The following KALRN variants were observed in gnomAD, a reference collection of about 807,000 sequenced individuals.
The protein encoded by KALRN is kalirin RhoGEF kinase.
A neutral mutation model predicts 353.7 loss-of-function variants in KALRN; 70 were observed. That is an observed-to-expected ratio of 0.20 (90% CI 0.16 to 0.24). The LOEUF is 0.24. Among genes scored for constraint, KALRN ranks in the 10% least tolerant of loss-of-function variants. KALRN has a pLI of 1.00. For synonymous variants in KALRN, 1,391 were observed against 1,434.8 expected (o/e 0.97, Z 0.69); for missense variants, 2,791 against 3,756.7 (o/e 0.74, Z 6.72).
At chr3:124,271,520 AT>A (rs1456357379) in intron 5 of KALRN, among the ~76,000 whole-genome samples, 1 of 152,230 alleles carries the variant, frequency 6.6e-6, no homozygotes, top group Non-Finnish European at 1.5e-5. Flanking sequence ...TGTATAGTAC[AT>A]TGATAATTAC....
chr3:124,180,768 C>T (rs1047312568), intron 1 of KALRN, among the ~76,000 whole-genome samples: 2 of 152,144 alleles, frequency 1.3e-5, no homozygotes, highest in African/African-American at 4.8e-5. Flanking sequence ...CCACTTCTCT[C>T]TCTGCTCTCC....
At chr3:124,251,855 A>G (rs530536850) in intron 3 of KALRN, among the ~76,000 whole-genome samples, 237 of 151,798 alleles carry the variant, frequency 1.6e-3, no homozygotes, top group African/African-American at 5.3e-3. Context: ...ACTTTACCAC[A>G]CTCTGCCTGG....
At chr3:124,446,421 G>T in intron 20 of KALRN, 145 bp downstream of exon 20, 1 of 642,982 alleles carries the variant, frequency 1.6e-6, no homozygotes, top group Non-Finnish European at 2.7e-6. Flanking sequence ...GTTGTCACCT[G>T]TCAGCAGTTC....
chr3:124,208,764 A>G (rs1162602729), intron 1 of KALRN, among the ~76,000 whole-genome samples: 3 of 152,094 alleles, frequency 2.0e-5, no homozygotes, highest in African/African-American at 7.2e-5. Context: ...CAGGAATTCA[A>G]AACCAATCTG....
chr3:124,121,059 A>C (rs181780824), intron 1 of KALRN, among the ~76,000 whole-genome samples: 1 of 135,990 alleles, frequency 7.4e-6, no homozygotes, highest in African/African-American at 2.7e-5. Context: ...ATGCCACTGC[A>C]GTCCAGCCTG....
At chr3:124,527,414 C>A (rs1474918667) in intron 33 of KALRN, among the ~76,000 whole-genome samples, 1 of 151,986 alleles carries the variant, frequency 6.6e-6, no homozygotes, top group Non-Finnish European at 1.5e-5. Context: ...TCGAGACCAT[C>A]CTGGCTAACA....
At chr3:124,273,088 C>A (rs566699000) in intron 5 of KALRN, among the ~76,000 whole-genome samples, 2 of 152,202 alleles carry the variant, frequency 1.3e-5, no homozygotes, top group African/African-American at 4.8e-5. Flanking sequence ...CGCCCCTGGC[C>A]TTGCAGGGTG....
At chr3:124,680,524 GACA>G (rs2087670250) in intron 51 of KALRN, among the ~76,000 whole-genome samples, 1 of 152,206 alleles carries the variant, frequency 6.6e-6, no homozygotes, top group African/African-American at 2.4e-5. Flanking sequence ...GTACAAAATA[GACA>G]ACATTAAAAA....
At chr3:124,257,948 G>C (rs1474051697) in intron 3 of KALRN, among the ~76,000 whole-genome samples, 1 of 152,126 alleles carries the variant, frequency 6.6e-6, no homozygotes, top group Non-Finnish European at 1.5e-5. Flanking sequence ...AGTTTGATTT[G>C]GGCTAATAAA....
At chr3:124,347,101 TCTG>T (rs1490086554) in intron 9 of KALRN, 39 bp from the exon 10 acceptor site, 5 of 1,612,806 alleles carry the variant, frequency 3.1e-6, no homozygotes, top group Non-Finnish European at 4.2e-6. Flanking sequence ...TGTCTTTCCT[TCTG>T]CTAGAAAGTC....
intron 33 of KALRN, among the ~76,000 whole-genome samples, chr3:124,499,121 G>A (rs978063484): frequency 1.3e-5 from 2 of 152,114 alleles, no homozygotes; most frequent in East Asian, 3.9e-4. Flanking sequence ...CCAGAGGAAT[G>A]ACAGTAATAG....
chr3:124,482,834 C>T lies in KALRN; in HGVS notation c.4218C>T (p.Ala1406=). ...FDEIQQRHGL[A]NSISSYLIKP... is the part of the protein sequence containing the mutation. ...AGATACAACAGCGGCATGGTCTGGC[C>T]AACTCCATCTCTTCCTACCTAATTA... Residue 1406 remains alanine (A), a synonymous_variant, in exon 28 of 60, where the codon GCC becomes GCT. Coordinates refer to ENST00000682506, the MANE Select transcript of KALRN (RefSeq NM_001388419.1). The T allele has an allele frequency of 6.2e-7, 1 of 1,613,498 alleles. No individual in the cohort carries two copies. The highest frequency in any genetic ancestry group is 1.7e-5 in the Admixed American group (1 of 60,016).
At chr3:124,433,056 G>C (rs1156262183) in intron 16 of KALRN, among the ~76,000 whole-genome samples, 1 of 152,062 alleles carries the variant, frequency 6.6e-6, no homozygotes, top group Admixed American at 6.6e-5. Flanking sequence ...CCATCAGAAG[G>C]AAAATATGCC....
At chr3:124,403,726 T>A (rs1217797955) in intron 13 of KALRN, among the ~76,000 whole-genome samples, 1 of 152,216 alleles carries the variant, frequency 6.6e-6, no homozygotes, top group East Asian at 1.9e-4. Flanking sequence ...GACCATTCGG[T>A]CAGCCTTTTA....
chr3:124,298,026 G>A (rs1005803428), intron 5 of KALRN, among the ~76,000 whole-genome samples: 3 of 152,170 alleles, frequency 2.0e-5, no homozygotes, highest in Non-Finnish European at 4.4e-5. Context: ...TTATATCTGA[G>A]ACAATCCCAT....
intron 45 of KALRN, among the ~76,000 whole-genome samples, chr3:124,663,929 C>G (rs1325815051): frequency 6.6e-6 from 1 of 152,132 alleles, no homozygotes; most frequent in Non-Finnish European, 1.5e-5. Flanking sequence ...CAGCCCATCC[C>G]ATGTGTCCCT....
chr3:124,408,924 T>C (rs1298565707), intron 13 of KALRN, among the ~76,000 whole-genome samples: 1 of 152,228 alleles, frequency 6.6e-6, no homozygotes, highest in Non-Finnish European at 1.5e-5. Context: ...GGCAGAATAC[T>C]GGATTTGGTG....
At position 124,334,412 on chromosome 3, in the gene KALRN, C is replaced by T. The variant is rs147539685; in HGVS notation, c.1564C>T (p.Arg522Trp). 1.8e-5 allele frequency: 29 copies of T among 1,614,164 alleles called. No individual in the cohort carries two copies. Among genetic ancestry groups the T allele is most frequent in the African/African-American group, 1.1e-4 (8 of 75,064 alleles). The change falls in exon 9 of 60, where the codon CGG becomes TGG. Residue 522 changes from arginine (R) to tryptophan (W), a missense_variant. Arg to Trp is a moderately radical substitution (Grantham distance 101). Transcript: ENST00000682506. The surrounding 1 kb of genome is among the most constrained non-coding windows in gnomAD (Gnocchi z 4.2). The stretch of plus-strand genomic sequence containing the variant: ...GCATGAGGTGTTACATCACCAGCGA[C>T]GGCTGGAGAGCATCTGGCAGCACCG... ...VVHEVLHHQR[R>W]LESIWQHRKV...
At chr3:124,664,962 C>G (rs2085433165) in intron 45 of KALRN, among the ~76,000 whole-genome samples, 1 of 152,166 alleles carries the variant, frequency 6.6e-6, no homozygotes, top group Non-Finnish European at 1.5e-5. Flanking sequence ...ATTAATAGAG[C>G]TTTCCTGGCT....
Sources: allele counts gnomAD v4.1 joint callset (sites outside exome capture counted in the v4.1 genomes callset), GRCh38; gene constraint gnomAD v4.1.1; non-coding constraint Gnocchi (gnomAD v3.1); transcripts MANE v1.5; gene names NCBI Gene and HGNC (gene_info 2026-07-23, HGNC 2026-07-21).